The following CTNNA2 variants were observed in gnomAD, a reference collection of about 807,000 sequenced individuals.
The protein encoded by CTNNA2 is catenin alpha 2.
A neutral mutation model predicts 101.0 loss-of-function variants in CTNNA2; 42 were observed. The ratio of observed to expected loss-of-function variants is 0.42; its 90% CI spans 0.32 to 0.54. CTNNA2 has a LOEUF of 0.54. Among genes scored for constraint, CTNNA2 ranks in the 20% least tolerant of loss-of-function variants. The probability of loss-of-function intolerance (pLI) is 0.14; values close to 1 mark genes in which losing one functional copy is unlikely to be tolerated. For synonymous variants in CTNNA2, 450 were observed against 456.4 expected (o/e 0.99, Z 0.18); for missense variants, 871 against 1,223.1 (o/e 0.71, Z 4.29).
At chr2:79,795,675 AT>A in intron 3 of CTNNA2, among the ~76,000 whole-genome samples, 1 of 152,334 alleles carries the variant, frequency 6.6e-6, no homozygotes, top group Admixed American at 6.5e-5. Context: ...ATATGTACAA[AT>A]TTAAGAATAT....
intron 7 of CTNNA2, among the ~76,000 whole-genome samples, chr2:80,202,384 T>G (rs1707262809): frequency 6.6e-6 from 1 of 152,096 alleles, no homozygotes; most frequent in African/African-American, 2.4e-5. Context: ...CCATACAGAT[T>G]AGAAGAAGAT....
intron 1 of CTNNA2, among the ~76,000 whole-genome samples, chr2:79,631,792 C>T (rs1432126285): frequency 1.3e-5 from 2 of 152,122 alleles, no homozygotes; most frequent in African/African-American, 4.8e-5. Flanking sequence ...AGGACCAAAC[C>T]ACTTGCTCCT....
intron 3 of CTNNA2, among the ~76,000 whole-genome samples, chr2:79,852,908 C>A (rs988350674): frequency 6.6e-6 from 1 of 151,808 alleles, no homozygotes; most frequent in African/African-American, 2.4e-5. Flanking sequence ...ACCCTCGTTT[C>A]CCGGGCTGGA....
At chr2:79,808,655 C>G (rs1166765226) in intron 3 of CTNNA2, among the ~76,000 whole-genome samples, 3 of 152,104 alleles carry the variant, frequency 2.0e-5, no homozygotes, top group African/African-American at 7.2e-5. Flanking sequence ...CACAAGGTCA[C>G]AACAATTTTT....
At chr2:79,561,895 C>G (rs1674805816) in intron 1 of CTNNA2, among the ~76,000 whole-genome samples, 1 of 151,312 alleles carries the variant, frequency 6.6e-6, no homozygotes, top group African/African-American at 2.4e-5. Context: ...AAATTTTCTT[C>G]CATTCTGTGA....
chr2:80,239,965 T>C (rs1037007161), intron 7 of CTNNA2, among the ~76,000 whole-genome samples: 9 of 151,924 alleles, frequency 5.9e-5, no homozygotes, highest in Admixed American at 2.6e-4. Context: ...AACAATATAC[T>C]GTAATAAAAG....
chr2:80,622,371 G>A (rs529289280), intron 18 of CTNNA2, among the ~76,000 whole-genome samples: 3 of 152,002 alleles, frequency 2.0e-5, no homozygotes, highest in African/African-American at 7.2e-5. Flanking sequence ...AGTGGAAAGA[G>A]ATCATCATTT....
At chr2:80,124,577 G>A (rs116332704) in intron 7 of CTNNA2, among the ~76,000 whole-genome samples, 2,743 of 151,964 alleles carry the variant, frequency 0.018, 81 homozygotes, top group African/African-American at 0.057. Flanking sequence ...ATATTTTCTC[G>A]TATATAGTAC....
At chr2:80,393,392 T>G in intron 8 of CTNNA2, 101 bp downstream of exon 8, 1 of 825,486 alleles carries the variant, frequency 1.2e-6, no homozygotes, top group Non-Finnish European at 1.9e-6. Flanking sequence ...ATGAGGTTGT[T>G]ATTCTTTATA....
At chr2:80,066,196 T>C (rs987357678) in intron 7 of CTNNA2, among the ~76,000 whole-genome samples, 16 of 152,194 alleles carry the variant, frequency 1.1e-4, no homozygotes, top group African/African-American at 3.9e-4. Flanking sequence ...CATTTTAGTG[T>C]GATGTAACCT....
intron 7 of CTNNA2, among the ~76,000 whole-genome samples, chr2:80,287,588 C>T (rs1291171754): frequency 2.0e-5 from 3 of 152,164 alleles, no homozygotes; most frequent in Non-Finnish European, 4.4e-5. Context: ...ATGTGCCCAG[C>T]ATGTGCAAAA....
chr2:79,882,221 C>T (rs912877335), intron 6 of CTNNA2, among the ~76,000 whole-genome samples: 5 of 152,154 alleles, frequency 3.3e-5, no homozygotes, highest in Admixed American at 3.3e-4. Context: ...TGGCCTTTCT[C>T]TCTGGCTGCC....
At chr2:80,136,208 A>T (rs889633887) in intron 7 of CTNNA2, among the ~76,000 whole-genome samples, 3 of 152,096 alleles carry the variant, frequency 2.0e-5, no homozygotes, top group Admixed American at 2.0e-4. Context: ...ACTGTTCTTG[A>T]TGCATAGGCC....
chr2:80,589,909 C>CGT (rs1558621252), intron 15 of CTNNA2, among the ~76,000 whole-genome samples: 8 of 138,548 alleles, frequency 5.8e-5, no homozygotes, highest in African/African-American at 1.4e-4. Flanking sequence ...TGTGTGTGCG[C>CGT]GCGCGCGCAT....
At chr2:79,715,923 C>T (rs1287255871) in intron 2 of CTNNA2, among the ~76,000 whole-genome samples, 1 of 151,876 alleles carries the variant, frequency 6.6e-6, no homozygotes, top group South Asian at 2.1e-4. Context: ...TTACATCCAA[C>T]GTATCAATGC....
Position 80,213,174 on chromosome 2 carries a change from T to A in CTNNA2, c.1057-180037T>A, listed in dbSNP as rs1032595061. Among the ~76,000 whole-genome samples the A allele has an allele frequency of 4.6e-5, 7 of 152,192 alleles. No homozygotes were observed. The East Asian group carries it at 1.2e-3, about 25-fold the overall frequency. On this transcript the variant is annotated intron_variant, in intron 7 of 18. Coordinates refer to ENST00000402739, the MANE Select transcript of CTNNA2 (RefSeq NM_001282597.3). ...CTTTTCAAAAAACCAGCTACTGGAT[T>A]CATTGATTTTTTGAAGGGTTTTTTG...
At position 80,647,974 on chromosome 2, in the gene CTNNA2, G is replaced by A. The variant is rs1449060357; in HGVS notation, c.*102G>A. On this transcript the variant is annotated 3_prime_UTR_variant, in exon 19 of 19. Coordinates refer to ENST00000402739, the MANE Select transcript of CTNNA2 (RefSeq NM_001282597.3). Reference sequence around the variant, plus strand: ...ATACCTGCCAGCTCGTATGCCTCTGGCATGGGGAAATTAAGGGAACAGTGT... The same window carrying A: ...ATACCTGCCAGCTCGTATGCCTCTGACATGGGGAAATTAAGGGAACAGTGT... 1 of 1,135,088 alleles carries A rather than the reference G, an allele frequency of 8.8e-7. No individual in the cohort carries two copies. Among genetic ancestry groups the A allele is most frequent in the Non-Finnish European group, 1.2e-6 (1 of 809,980 alleles). The allele number at this position is 1,135,088 out of a possible 1,614,324, so 70.3% of individuals were successfully genotyped here.
intron 1 of CTNNA2, among the ~76,000 whole-genome samples, chr2:79,191,392 T>C (rs1016765796): frequency 6.6e-6 from 1 of 152,174 alleles, no homozygotes; most frequent in Non-Finnish European, 1.5e-5. Flanking sequence ...GACAATTAAC[T>C]GTTGTGTTGA....
At chr2:80,036,208 T>G (rs888424985) in intron 7 of CTNNA2, among the ~76,000 whole-genome samples, 1 of 152,042 alleles carries the variant, frequency 6.6e-6, no homozygotes, top group Non-Finnish European at 1.5e-5. Flanking sequence ...GAGGTGAAAT[T>G]AATGCAGACC....
Sources: gnomAD v4.1 joint callset for allele counts (sites outside exome capture counted in the v4.1 genomes callset) on GRCh38, gnomAD v4.1.1 for gene constraint, MANE v1.5 for transcripts, NCBI Gene and HGNC (gene_info 2026-07-23, HGNC 2026-07-21) for gene names.